The following ERF variants were observed in gnomAD, a reference collection of about 807,000 sequenced individuals.
The protein encoded by ERF is ETS domain-containing transcription factor ERF.
Under a neutral mutation model 41.6 loss-of-function variants are expected in ERF, and 10 were observed. That is an observed-to-expected ratio of 0.24 (90% confidence interval 0.15 to 0.41). The LOEUF is 0.41. Ranked by LOEUF, ERF falls within the 10% of genes least tolerant of loss-of-function variation. ERF has a pLI of 1.00. For missense variants in ERF, 621 were observed against 763.2 expected (o/e 0.81, Z 2.19); for synonymous variants, 395 against 342.4 (o/e 1.15, Z -1.70).
At chr19:42,253,700 C>T in intron 1 of ERF, 1 of 263,538 alleles carries the variant, frequency 3.8e-6, no homozygotes, top group Non-Finnish European at 5.9e-6. Context: ...GGTCCGGGTC[C>T]CAATCCCCTG....
At position 42,249,524 on chromosome 19, in the gene ERF, C is replaced by T; in HGVS notation, c.588G>A (p.Leu196=). ...GGGGATCCTCTCCCAGCGGTTCCTCCAGCTCTGACGTGCCATCACTACAGT... is the reference window on the plus strand; with the variant it reads ...GGGGATCCTCTCCCAGCGGTTCCTCTAGCTCTGACGTGCCATCACTACAGT... The part of the protein sequence containing the change: ...VSDCSDGTSE[L]EEPLGEDPRA... Residue 196 remains leucine (L), a synonymous_variant, in exon 4 of 4, where the codon CTG becomes CTA. Transcript: ENST00000222329. The surrounding 1 kb of genome is among the most constrained non-coding windows in gnomAD (Gnocchi z 8.6). 6.2e-7 allele frequency: 1 copy of T among 1,613,208 alleles called. No individual in the cohort carries two copies. The highest frequency in any genetic ancestry group is 8.5e-7 in the Non-Finnish European group (1 of 1,179,932).
In ERF at chr19:42,248,328, T is replaced by G; in HGVS notation, c.*137A>C. 1.3e-6 allele frequency: 1 copy of G among 742,930 alleles called. No individual in the cohort carries two copies. The highest frequency in any genetic ancestry group is 1.9e-6 in the Non-Finnish European group (1 of 532,212). 46.0% of individuals were successfully genotyped at this position (742,930 alleles called of 1,614,324 possible). ...TTAAAAAAAAGAAATTAAAGTTTTA[T>G]ACAAAATGTGGGGAGGGAAAAGGGA... On this transcript the variant is annotated 3_prime_UTR_variant, in exon 4 of 4. Transcript: ENST00000222329. The surrounding 1 kb of genome is among the most constrained non-coding windows in gnomAD (Gnocchi z 4.2).
chr19:42,253,170 G>A (rs1015330686), intron 1 of ERF, among the ~76,000 whole-genome samples: 8 of 152,298 alleles, frequency 5.3e-5, no homozygotes, highest in Admixed American at 2.6e-4. Flanking sequence ...GGGACTATGA[G>A]GGTCGGAAGG....
intron 1 of ERF, among the ~76,000 whole-genome samples, chr19:42,251,755 G>A (rs559075300): frequency 9.2e-5 from 14 of 152,106 alleles, no homozygotes; most frequent in Non-Finnish European, 2.1e-4. Flanking sequence ...CTCCACCCAA[G>A]TCTGGAATCC....
intron 1 of ERF, chr19:42,254,454 A>C: frequency 6.6e-6 from 1 of 151,746 alleles, no homozygotes; most frequent in Non-Finnish European, 1.5e-5. Context: ...CGGGCGGGGG[A>C]GGGGCGGCGC....
chr19:42,253,148 A>C (rs2036472421), intron 1 of ERF, among the ~76,000 whole-genome samples: 1 of 152,146 alleles, frequency 6.6e-6, no homozygotes, highest in African/African-American at 2.4e-5. Flanking sequence ...TGACGGCCCA[A>C]ACTTTTTTTA....
At chr19:42,253,874 C>T (rs2036488902) in intron 1 of ERF, 4 of 1,076,938 alleles carry the variant, frequency 3.7e-6, no homozygotes, top group Non-Finnish European at 4.5e-6. Context: ...CCGCCGCCGC[C>T]GCCGCCGCCG....
At position 42,248,612 on chromosome 19, in the gene ERF, G is replaced by C. The variant is rs375553116; in HGVS notation, c.1500C>G (p.Pro500=). 1.9e-6 allele frequency: 3 copies of C among 1,580,306 alleles called. No homozygotes were observed. The highest frequency in any genetic ancestry group is 3.6e-5 in the Admixed American group (2 of 56,046). The change falls in exon 4 of 4, where the codon CCC becomes CCG. Residue 500 remains proline, a synonymous_variant. Transcript: ENST00000222329. This position sits in a 1 kb window ranked among gnomAD's most constrained non-coding sequence, Gnocchi z 4.2. Reference sequence around the variant, plus strand: ...CACCCTCATCCTCAAAGCCCCCAGCGGGGCCCCCACCCCCTTCGAGGCGAC... The same window carrying C: ...CACCCTCATCCTCAAAGCCCCCAGCCGGGCCCCCACCCCCTTCGAGGCGAC... ...EDCRLEGGGG[P]AGGFEDEGED... is the part of the protein sequence containing the mutation.
At chr19:42,253,179 G>A (rs1481643654) in intron 1 of ERF, among the ~76,000 whole-genome samples, 2 of 152,214 alleles carry the variant, frequency 1.3e-5, no homozygotes, top group African/African-American at 4.8e-5. Flanking sequence ...AGGGTCGGAA[G>A]GGAGGAGTGG....
rs747830281 is a variant in ERF, at chr19:42,249,889, T to C, written c.311A>G (p.Tyr104Cys). Residue 104 changes from tyrosine to cysteine, a missense_variant, in exon 3 of 4, where the codon TAC becomes TGC. Coordinates refer to ENST00000222329, the MANE Select transcript of ERF (RefSeq NM_006494.4). The surrounding 1 kb of genome is among the most constrained non-coding windows in gnomAD (Gnocchi z 8.6). ...CACCAGTTTGTTGAAATTGAACTTGTAGGTGAACCGTTTCCCCTTGGTCTT... is the reference window on the plus strand; with the variant it reads ...CACCAGTTTGTTGAAATTGAACTTGCAGGTGAACCGTTTCCCCTTGGTCTT... ...LHKTKGKRFT[Y>C]KFNFNKLVLV... 6.2e-7 allele frequency: 1 copy of C among 1,614,182 alleles called. No homozygotes were observed. The highest frequency in any genetic ancestry group is 1.7e-5 in the Admixed American group (1 of 60,028).
At position 42,250,683 on chromosome 19, in the gene ERF, G is replaced by A; in HGVS notation, c.23-118C>T. The A allele has an allele frequency of 2.1e-6, 2 of 952,272 alleles. No homozygotes were observed. Among genetic ancestry groups the A allele is most frequent in the Non-Finnish European group, 3.1e-6 (2 of 635,732 alleles). The allele number at this position is 952,272 out of a possible 1,614,324, so 59.0% of individuals were successfully genotyped here. ...ACATGGGGAAATCTGTCTCACCTCA[G>A]CCAAGTCAAGATCTGATTTAAGAGA... On this transcript the variant is annotated intron_variant, in intron 1 of 3. Transcript: ENST00000222329. The surrounding 1 kb of genome is among the most constrained non-coding windows in gnomAD (Gnocchi z 5.1).
intron 1 of ERF, among the ~76,000 whole-genome samples, chr19:42,253,223 G>T (rs1314401544): frequency 6.6e-6 from 1 of 152,164 alleles, no homozygotes; most frequent in Admixed American, 6.5e-5. Context: ...CTCCTGGGGG[G>T]CCCCACCACC....
chr19:42,254,316 C>T (rs1228260274), intron 1 of ERF, among the ~76,000 whole-genome samples: 4 of 152,036 alleles, frequency 2.6e-5, no homozygotes, highest in Non-Finnish European at 5.9e-5. Context: ...GTACCCAGGT[C>T]TCCCCGGAGC....
chr19:42,250,026 G>T lies in ERF; in HGVS notation c.258-84C>A. ...CACACCTTAACACGCACTTAGGTGT[G>T]GTTCCCAAAGGCCAACTGAGGAACG... On this transcript the variant is annotated intron_variant, in intron 2 of 3. Coordinates refer to ENST00000222329, the MANE Select transcript of ERF (RefSeq NM_006494.4). This position sits in a 1 kb window ranked among gnomAD's most constrained non-coding sequence, Gnocchi z 5.1. The T allele has an allele frequency of 7.6e-7, 1 of 1,318,488 alleles. No individual in the cohort carries two copies. The highest frequency in any genetic ancestry group is 1.1e-6 in the Non-Finnish European group (1 of 913,386). The allele number at this position is 1,318,488 out of a possible 1,614,324, so 81.7% of individuals were successfully genotyped here. A position where few individuals can be genotyped will look rare whatever the true frequency, so the allele number is the denominator to read the frequency against.
intron 1 of ERF, chr19:42,251,406 GGTGGGCT>G: frequency 1.0e-6 from 1 of 983,324 alleles, no homozygotes; most frequent in South Asian, 4.7e-5. Context: ...AGAGGTTGGC[GGTGGGCT>G]GGCTGGTCTC....
At chr19:42,254,912 CA>C in intron 1 of ERF, 65 bp downstream of exon 1, 1 of 1,500,400 alleles carries the variant, frequency 6.7e-7, no homozygotes, top group Non-Finnish European at 8.9e-7. Flanking sequence ...TCAGCCCCCC[CA>C]AAGTTTCTCC....
At position 42,248,433 on chromosome 19, in the gene ERF, T is replaced by G; in HGVS notation, c.*32A>C. On this transcript the variant is annotated 3_prime_UTR_variant, in exon 4 of 4. Transcript: ENST00000222329. The surrounding 1 kb of genome is among the most constrained non-coding windows in gnomAD (Gnocchi z 4.2). ...AAGGCAGCAAAAGAAGCATGGGGGG[T>G]GCGGGGCACACAGGTCCCCTGCCCA... is the stretch of plus-strand genomic sequence containing the variant. 1 of 1,441,468 alleles carries G rather than the reference T, an allele frequency of 6.9e-7. No homozygotes were observed. Among genetic ancestry groups the G allele is most frequent in the Non-Finnish European group, 9.1e-7 (1 of 1,097,242 alleles). 89.3% of individuals were successfully genotyped at this position (1,441,468 alleles called of 1,614,324 possible).
chr19:42,254,690 A>C, intron 1 of ERF: 18 of 268,954 alleles, frequency 6.7e-5, no homozygotes, highest in Middle Eastern at 1.1e-3. Context: ...GGACCCCGCC[A>C]CCCCCGTGAT....
At chr19:42,252,674 A>G (rs553139046) in intron 1 of ERF, among the ~76,000 whole-genome samples, 1 of 151,144 alleles carries the variant, frequency 6.6e-6, no homozygotes, top group African/African-American at 2.4e-5. Flanking sequence ...AGCCCACCAC[A>G]ACGGCGGCTT....
Sources: gnomAD v4.1 joint callset for allele counts (sites outside exome capture counted in the v4.1 genomes callset) on GRCh38, gnomAD v4.1.1 for gene constraint, Gnocchi (gnomAD v3.1) non-coding constraint, MANE v1.5 for transcripts, NCBI Gene and HGNC (gene_info 2026-07-23, HGNC 2026-07-21) for gene names.